Variants in CRTAC1 observed in about 807,000 individuals in gnomAD.
CRTAC1 encodes the protein acidic secreted protein in cartilage.
In CRTAC1, 37 loss-of-function variants were observed where a neutral mutation model predicts 67.8. The ratio of observed to expected loss-of-function variants is 0.55; its 90% CI spans 0.42 to 0.72. CRTAC1 has a LOEUF of 0.72. Among genes scored for constraint, CRTAC1 ranks in the 30% least tolerant of loss-of-function variants. The pLI is 0.00. For synonymous variants in CRTAC1, 348 were observed against 371.0 expected (o/e 0.94, Z 0.71); for missense variants, 780 against 931.6 (o/e 0.84, Z 2.12).
intron 11 of CRTAC1, among the ~76,000 whole-genome samples, chr10:97,890,932 G>A (rs1003575075): frequency 5.9e-5 from 9 of 152,176 alleles, no homozygotes; most frequent in African/African-American, 1.4e-4. Context: ...CTCCCAAAGC[G>A]CTGGGAGGAC....
At chr10:97,960,436 G>A (rs1271741622) in intron 2 of CRTAC1, among the ~76,000 whole-genome samples, 1 of 152,220 alleles carries the variant, frequency 6.6e-6, no homozygotes, top group Non-Finnish European at 1.5e-5. Context: ...ACATATGCAT[G>A]TGTGTATATA....
intron 2 of CRTAC1, among the ~76,000 whole-genome samples, chr10:97,942,049 C>G (rs148996309): frequency 5.2e-4 from 79 of 152,298 alleles, no homozygotes; most frequent in African/African-American, 1.5e-3. Context: ...CCAACCATTC[C>G]CCGCCTGTTT....
At chr10:97,923,572 C>T (rs371728840) in intron 3 of CRTAC1, among the ~76,000 whole-genome samples, 172 bp from the exon 4 acceptor site, 21 of 152,118 alleles carry the variant, frequency 1.4e-4, no homozygotes, top group African/African-American at 5.1e-4. Context: ...TTGGGGAGCA[C>T]TCACATGTTT....
chr10:97,865,122 A>G lies in CRTAC1; in HGVS notation c.*426T>C, dbSNP rs1456760597. 1 of 158,666 alleles carries G rather than the reference A, an allele frequency of 6.3e-6. No homozygotes were observed. The highest frequency in any genetic ancestry group is 1.9e-4 in the East Asian group (1 of 5,376). The allele number at this position is 158,666 out of a possible 1,614,324, so 9.8% of individuals were successfully genotyped here. On this transcript the variant is annotated 3_prime_UTR_variant, in exon 15 of 15. Transcript: ENST00000370597. ...ATCTCCACACTAACCCCAAGATTCT[A>G]TTCTTAATCCCCATTTTGCAGATGC...
chr10:97,983,232 C>G (rs1486223339), intron 2 of CRTAC1, among the ~76,000 whole-genome samples: 1 of 152,198 alleles, frequency 6.6e-6, no homozygotes, highest in Admixed American at 6.5e-5. Flanking sequence ...ATGGAATGCC[C>G]TGGAATGCCC....
intron 2 of CRTAC1, among the ~76,000 whole-genome samples, chr10:97,965,885 C>G (rs2051607057): frequency 6.6e-6 from 1 of 152,118 alleles, no homozygotes; most frequent in Non-Finnish European, 1.5e-5. Context: ...AAGCTGAAAG[C>G]AGGATTCAGA....
At chr10:97,912,360 G>A (rs1590203173) in intron 5 of CRTAC1, among the ~76,000 whole-genome samples, 1 of 152,140 alleles carries the variant, frequency 6.6e-6, no homozygotes, top group Non-Finnish European at 1.5e-5. Flanking sequence ...TGCCCATCAG[G>A]CTGGGTAGGG....
chr10:97,911,202 C>T (rs2050684164), intron 5 of CRTAC1, among the ~76,000 whole-genome samples: 1 of 152,252 alleles, frequency 6.6e-6, no homozygotes, highest in South Asian at 2.1e-4. Flanking sequence ...CACTTGCCTC[C>T]ACGCAGCTCC....
chr10:97,938,489 T>G (rs2051123734), intron 2 of CRTAC1, among the ~76,000 whole-genome samples: 1 of 152,102 alleles, frequency 6.6e-6, no homozygotes, highest in Non-Finnish European at 1.5e-5. Context: ...GAAACTGAAG[T>G]GAGGTCCAAG....
At position 97,901,653 on chromosome 10, in the gene CRTAC1, G is replaced by A. The variant is rs1564885797; in HGVS notation, c.997-14C>T. Reference sequence around the variant, plus strand: ...TGAGGCGATGTCCTGGAGGAAACAAGGCTGGGGGTCAGTGGCAGGAGAGTG... The same window carrying A: ...TGAGGCGATGTCCTGGAGGAAACAAAGCTGGGGGTCAGTGGCAGGAGAGTG... On this transcript the variant is annotated splice_polypyrimidine_tract_variant and intron_variant, in intron 7 of 14. Transcript: ENST00000370597. 2 of 1,614,010 alleles carry A rather than the reference G, an allele frequency of 1.2e-6. No homozygotes were observed. Among genetic ancestry groups the A allele is most frequent in the Non-Finnish European group, 8.5e-7 (1 of 1,179,916 alleles).
At chr10:97,882,670 C>T (rs2050231039) in intron 13 of CRTAC1, 116 bp downstream of exon 13, 11 of 1,054,958 alleles carry the variant, frequency 1.0e-5, no homozygotes, top group East Asian at 2.4e-5. Flanking sequence ...CAACACCCTC[C>T]CCTGTCCTCC....
At chr10:97,999,073 T>A (rs1214194029) in intron 2 of CRTAC1, among the ~76,000 whole-genome samples, 1 of 152,202 alleles carries the variant, frequency 6.6e-6, no homozygotes, top group African/African-American at 2.4e-5. Flanking sequence ...TCACGCTGGC[T>A]GCAGCAGGGA....
At position 97,865,768 on chromosome 10, in the gene CRTAC1, G is replaced by C; in HGVS notation, c.1820-54C>G. Reference sequence around the variant, plus strand: ...GGCCTTGCAGACCTGCGGCGGCTGCGCTACCAGAGCACCCGCTTCTGAGTC... The same window carrying C: ...GGCCTTGCAGACCTGCGGCGGCTGCCCTACCAGAGCACCCGCTTCTGAGTC... On this transcript the variant is annotated intron_variant, in intron 14 of 14. Coordinates refer to ENST00000370597, the MANE Select transcript of CRTAC1 (RefSeq NM_018058.7). 6.0e-6 allele frequency: 9 copies of C among 1,496,200 alleles called. No homozygotes were observed. In the South Asian group the frequency reaches 9.1e-5, roughly 15 times the overall value. The allele number at this position is 1,496,200 out of a possible 1,614,324, so 92.7% of individuals were successfully genotyped here.
intron 1 of CRTAC1, among the ~76,000 whole-genome samples, chr10:98,019,385 C>T (rs1843071872): frequency 6.6e-6 from 1 of 152,172 alleles, no homozygotes. Flanking sequence ...TGCCCTCTGG[C>T]CCTGGGGACT....
intron 3 of CRTAC1, among the ~76,000 whole-genome samples, chr10:97,924,664 A>C (rs1329252912): frequency 6.6e-6 from 1 of 152,236 alleles, no homozygotes; most frequent in Non-Finnish European, 1.5e-5. Context: ...GTTTACTGTG[A>C]GGAATAAATG....
intron 2 of CRTAC1, among the ~76,000 whole-genome samples, chr10:97,966,673 G>A (rs759995013): frequency 3.9e-5 from 6 of 152,086 alleles, no homozygotes; most frequent in African/African-American, 9.7e-5. Flanking sequence ...AGGATACCAC[G>A]TTACATTTAA....
At chr10:97,926,488 A>G (rs986903498) in intron 3 of CRTAC1, among the ~76,000 whole-genome samples, 2 of 152,120 alleles carry the variant, frequency 1.3e-5, no homozygotes, top group Admixed American at 1.3e-4. Context: ...GTGTTCAGGA[A>G]TTTGCATATT....
intron 5 of CRTAC1, among the ~76,000 whole-genome samples, chr10:97,909,368 A>G (rs1180012663): frequency 3.3e-5 from 5 of 152,176 alleles, no homozygotes; most frequent in Non-Finnish European, 7.3e-5. Context: ...CACGGCTTCT[A>G]GCCCCAGCCT....
intron 1 of CRTAC1, among the ~76,000 whole-genome samples, chr10:98,013,117 C>A (rs2136696928): frequency 6.6e-6 from 1 of 152,262 alleles, no homozygotes; most frequent in African/African-American, 2.4e-5. Flanking sequence ...GGTCATTGGA[C>A]TTTTCAAGGG....
Sources: gnomAD v4.1 joint callset for allele counts (sites outside exome capture counted in the v4.1 genomes callset) on GRCh38, gnomAD v4.1.1 for gene constraint, MANE v1.5 for transcripts, NCBI Gene and HGNC (gene_info 2026-07-23, HGNC 2026-07-21) for gene names.